Variants in HDLBP observed in about 807,000 individuals in gnomAD.
The protein encoded by HDLBP is vigilin.
A neutral mutation model predicts 137.3 loss-of-function variants in HDLBP; 30 were observed. The ratio of observed to expected loss-of-function variants is 0.22; its 90% CI spans 0.16 to 0.30. The LOEUF is 0.30. HDLBP is among the 10% of genes least tolerant of loss of function. The pLI, the probability that HDLBP is intolerant of heterozygous loss-of-function variation, is 1.00. For synonymous variants in HDLBP, 606 were observed against 596.0 expected (o/e 1.02, Z -0.24); for missense variants, 1,119 against 1,667.3 (o/e 0.67, Z 5.73).
chr2:241,256,094 G>A (rs2072592931), intron 7 of HDLBP, 90 bp downstream of exon 7: 1 of 1,079,544 alleles, frequency 9.3e-7, no homozygotes, highest in Non-Finnish European at 1.4e-6. Context: ...AAAAAGATAA[G>A]GGGCAGAACC....
intron 1 of HDLBP, among the ~76,000 whole-genome samples, chr2:241,312,325 T>G (rs936992694): frequency 1.3e-5 from 2 of 152,242 alleles, no homozygotes; most frequent in African/African-American, 2.4e-5. Context: ...AACTTCAGTG[T>G]GCTTGGTAAA....
At chr2:241,276,851 C>T (rs1387005840) in intron 1 of HDLBP, among the ~76,000 whole-genome samples, 2 of 151,888 alleles carry the variant, frequency 1.3e-5, no homozygotes, top group African/African-American at 2.4e-5. Context: ...TGAGACTGAC[C>T]CAACTCTCTT....
intron 1 of HDLBP, among the ~76,000 whole-genome samples, chr2:241,295,289 A>G (rs1486703860): frequency 1.3e-5 from 2 of 152,346 alleles, no homozygotes; most frequent in Non-Finnish European, 1.5e-5. Context: ...TAGTATTAAA[A>G]TAAGCAACAG....
At chr2:241,231,251 G>A (rs1024372099) in intron 24 of HDLBP, 1 of 252,928 alleles carries the variant, frequency 4.0e-6, no homozygotes, top group Non-Finnish European at 7.8e-6. Flanking sequence ...GGGCGTGGTG[G>A]TGCACGCCTG....
At chr2:241,300,893 T>A (rs2075371365) in intron 1 of HDLBP, among the ~76,000 whole-genome samples, 2 of 151,996 alleles carry the variant, frequency 1.3e-5, no homozygotes, top group Non-Finnish European at 2.9e-5. Flanking sequence ...AATAGAAGCC[T>A]TGTTTCAAAA....
At chr2:241,301,252 G>T (rs1450214629) in intron 1 of HDLBP, among the ~76,000 whole-genome samples, 2 of 151,572 alleles carry the variant, frequency 1.3e-5, no homozygotes, top group Non-Finnish European at 2.9e-5. Flanking sequence ...CTCCCAAAGT[G>T]CTGGGATTAC....
chr2:241,314,733 T>C (rs766418805), intron 1 of HDLBP, among the ~76,000 whole-genome samples: 6 of 152,176 alleles, frequency 3.9e-5, no homozygotes, highest in Non-Finnish European at 7.4e-5. Context: ...CTTGAGCACC[T>C]AACCACTTTT....
chr2:241,308,597 G>A (rs978184415), intron 1 of HDLBP, among the ~76,000 whole-genome samples: 10 of 152,166 alleles, frequency 6.6e-5, no homozygotes, highest in Non-Finnish European at 8.8e-5. Flanking sequence ...GCAGAAAAGC[G>A]TCAAAGTGTA....
chr2:241,229,937 C>A lies in HDLBP; in HGVS notation c.3616G>T (p.Ala1206Ser), dbSNP rs527489432. 385 of 1,604,004 alleles carry A rather than the reference C, an allele frequency of 2.4e-4. No homozygotes were observed. Among genetic ancestry groups the A allele is most frequent in the Non-Finnish European group, 3.2e-4 (374 of 1,174,820 alleles). Residue 1206 changes from alanine to serine, a missense_variant, in exon 27 of 28, where the codon GCG becomes TCG. By Grantham distance (99) the Ala-to-Ser change is moderately conservative (BLOSUM62 1). Transcript: ENST00000310931. ...EYLADVVDSEALQVYMKPPAH... is the reference protein window; with the variant it reads ...EYLADVVDSESLQVYMKPPAH... ...GGGGGTTTCATGTATACCTGCAGCGCCTCACTGTCCACCACGTCAGCTAGC... is the reference window on the plus strand; with the variant it reads ...GGGGGTTTCATGTATACCTGCAGCGACTCACTGTCCACCACGTCAGCTAGC...
rs751587598 is a variant in HDLBP, at chr2:241,230,003, AC to A, written c.3592-43del. ...GGAAGACAGGGTCAGTCTGCCCAGCACCCCCAGCATCCCGCCCGCCTGCTCA... is the reference window on the plus strand; with the variant it reads ...GGAAGACAGGGTCAGTCTGCCCAGCACCCCAGCATCCCGCCCGCCTGCTCA... On this transcript the variant is annotated intron_variant, in intron 26 of 27. Transcript: ENST00000310931. This position sits in a 1 kb window ranked among gnomAD's most constrained non-coding sequence, Gnocchi z 5.0. 6 of 1,549,966 alleles carry A rather than the reference AC, an allele frequency of 3.9e-6. No individual in the cohort carries two copies. Among genetic ancestry groups the A allele is most frequent in the Non-Finnish European group, 5.2e-6 (6 of 1,143,172 alleles).
rs35942493 is a variant in HDLBP, at chr2:241,265,418, C to CA, written c.77-814dup. 8.6e-5 allele frequency among the ~76,000 whole-genome samples: 13 copies of CA among 150,996 alleles called. No individual in the cohort carries two copies. In the East Asian group the frequency reaches 1.4e-3, roughly 16 times the overall value. On this transcript the variant is annotated intron_variant, in intron 3 of 27. Coordinates refer to ENST00000310931, the MANE Select transcript of HDLBP (RefSeq NM_005336.6). ...GGGCAACAAGAGCAAAACTCCGTCTCAAAAAAAAAGACTGCAGTGGCAATT... is the reference window on the plus strand; with the variant it reads ...GGGCAACAAGAGCAAAACTCCGTCTCAAAAAAAAAAGACTGCAGTGGCAATT...
chr2:241,304,004 G>A (rs1004244286), intron 1 of HDLBP, among the ~76,000 whole-genome samples: 2 of 152,042 alleles, frequency 1.3e-5, no homozygotes, highest in African/African-American at 4.8e-5. Context: ...AGAGATGGGG[G>A]TCTCACTTTG....
At chr2:241,309,796 C>T (rs2075707902) in intron 1 of HDLBP, among the ~76,000 whole-genome samples, 1 of 152,220 alleles carries the variant, frequency 6.6e-6, no homozygotes, top group Admixed American at 6.5e-5. Flanking sequence ...GGGAAGTAAG[C>T]TCTTTTATGG....
intron 11 of HDLBP, among the ~76,000 whole-genome samples, chr2:241,252,166 G>A (rs2072250560): frequency 6.6e-6 from 1 of 152,048 alleles, no homozygotes; most frequent in East Asian, 1.9e-4. Flanking sequence ...TGGCACAGGT[G>A]AGGCATATAG....
In HDLBP at chr2:241,238,507, T is replaced by C; in HGVS notation, c.2749+142A>G. 1 of 629,490 alleles carries C rather than the reference T, an allele frequency of 1.6e-6. No homozygotes were observed. Among genetic ancestry groups the C allele is most frequent in the Non-Finnish European group, 2.6e-6 (1 of 389,780 alleles). The allele number at this position is 629,490 out of a possible 1,614,324, so 39.0% of individuals were successfully genotyped here. A position where few individuals can be genotyped will look rare whatever the true frequency, so the allele number is the denominator to read the frequency against. On this transcript the variant is annotated intron_variant, in intron 20 of 27. Coordinates refer to ENST00000310931, the MANE Select transcript of HDLBP (RefSeq NM_005336.6). This position sits in a 1 kb window ranked among gnomAD's most constrained non-coding sequence, Gnocchi z 4.9. ...TCTTTTAAAGGCCAGGGAGTGACCC[T>C]GAACCTCTGGAAGCCCCCAGAATAC...
chr2:241,249,259 A>C (rs1355209373), intron 12 of HDLBP: 2 of 466,600 alleles, frequency 4.3e-6, no homozygotes, highest in African/African-American at 4.0e-5. Context: ...TTCCTCACAC[A>C]GTCAGGCCAA....
chr2:241,276,128 G>A (rs1200050673), intron 1 of HDLBP, among the ~76,000 whole-genome samples: 1 of 152,184 alleles, frequency 6.6e-6, no homozygotes, highest in African/African-American at 2.4e-5. Flanking sequence ...TAATATATAA[G>A]GTGGAAGGGG....
At chr2:241,231,244 C>G in intron 24 of HDLBP, 2 of 273,782 alleles carry the variant, frequency 7.3e-6, no homozygotes, top group South Asian at 9.6e-5. Context: ...ATTAGCCGGG[C>G]GTGGTGGTGC....
In HDLBP at chr2:241,230,098, C is replaced by T. The variant is rs1452430355; in HGVS notation, c.3591+55G>A. The T allele has an allele frequency of 1.3e-6, 2 of 1,592,894 alleles. No homozygotes were observed. The highest frequency in any genetic ancestry group is 1.7e-5 in the Admixed American group (1 of 59,742). ...TCCCCTGAAGCTCCTGGCTGGGCCTCAGGCCGGTGGACGTGCCAGGGCGCC... is the reference window on the plus strand; with the variant it reads ...TCCCCTGAAGCTCCTGGCTGGGCCTTAGGCCGGTGGACGTGCCAGGGCGCC... On this transcript the variant is annotated intron_variant, in intron 26 of 27. Transcript: ENST00000310931. This position sits in a 1 kb window ranked among gnomAD's most constrained non-coding sequence, Gnocchi z 5.0.
Sources: gnomAD v4.1 joint callset for allele counts (sites outside exome capture counted in the v4.1 genomes callset) on GRCh38, gnomAD v4.1.1 for gene constraint, Gnocchi (gnomAD v3.1) non-coding constraint, MANE v1.5 for transcripts, NCBI Gene and HGNC (gene_info 2026-07-23, HGNC 2026-07-21) for gene names.